MFHAS1: variants seen among roughly 807,000 people sequenced by gnomAD.
MFHAS1 encodes malignant fibrous histiocytoma-amplified sequence 1.
In MFHAS1, 50 loss-of-function variants were observed where a neutral mutation model predicts 70.4. The ratio of observed to expected loss-of-function variants is 0.71; its 90% CI spans 0.57 to 0.90. The LOEUF is 0.90. Ranked by LOEUF, MFHAS1 falls within the 40% of genes least tolerant of loss-of-function variation. The pLI is 0.00. For synonymous variants in MFHAS1, 952 were observed against 620.0 expected (o/e 1.54, Z -7.96); for missense variants, 1,795 against 1,347.6 (o/e 1.33, Z -5.20).
Position 8,806,631 on chromosome 8 carries a change from T to C in MFHAS1, c.2999-9140A>G, listed in dbSNP as rs111385853. ...ACACAAGAACAATAGATGCTTTCTCTAGATTTTGTATGAGATTTCTCTGGA... is the reference window on the plus strand; with the variant it reads ...ACACAAGAACAATAGATGCTTTCTCCAGATTTTGTATGAGATTTCTCTGGA... On this transcript the variant is annotated intron_variant, in intron 1 of 2. Transcript: ENST00000276282. 4.7e-3 allele frequency among the ~76,000 whole-genome samples: 709 copies of C among 152,334 alleles called. 4 individuals carry two copies. Among genetic ancestry groups the C allele is most frequent in the African/African-American group, 0.015 (643 of 41,582 alleles).
Position 8,890,737 on chromosome 8 carries a change from G to A in MFHAS1, c.2322C>T (p.Thr774=). Residue 774 remains threonine, a synonymous_variant, in exon 1 of 3, where the codon ACC becomes ACT. Coordinates refer to ENST00000276282, the MANE Select transcript of MFHAS1 (RefSeq NM_004225.3). ...GESSPPMARS[T]PSQELLRATQ... ...TGGCCCGGAGCAGTTCCTGGCTGGG[G>A]GTGGACCGCGCCATGGGCGGGGAGC... 6.2e-7 allele frequency: 1 copy of A among 1,613,724 alleles called. No individual in the cohort carries two copies. Among genetic ancestry groups the A allele is most frequent in the Non-Finnish European group, 8.5e-7 (1 of 1,179,812 alleles).
chr8:8,795,949 A>T (rs370434730), intron 2 of MFHAS1, among the ~76,000 whole-genome samples: 2 of 152,206 alleles, frequency 1.3e-5, no homozygotes, highest in Non-Finnish European at 2.9e-5. Flanking sequence ...TATGAATACT[A>T]TGCTGGAGAA....
intron 1 of MFHAS1, among the ~76,000 whole-genome samples, chr8:8,810,045 A>C (rs1806489301): frequency 6.6e-6 from 1 of 152,228 alleles, no homozygotes; most frequent in African/African-American, 2.4e-5. Context: ...TGAAGTACTA[A>C]GGGGAATCAT....
rs114809482 is a variant in MFHAS1 at position 8,874,143 on chromosome 8, G to A, written c.2998+15918C>T. Among the ~76,000 whole-genome samples the A allele has an allele frequency of 7.1e-3, 1,085 of 152,034 alleles. 18 individuals carry two copies. The highest frequency in any genetic ancestry group is 0.025 in the African/African-American group (1,033 of 41,458). On this transcript the variant is annotated intron_variant, in intron 1 of 2. Coordinates refer to ENST00000276282, the MANE Select transcript of MFHAS1 (RefSeq NM_004225.3). ...TCTAATTGCATCTCAAGAGTGTTCC[G>A]AGCACAGAGAGGGATTATTAACCCT...
At chr8:8,795,609 G>C (rs1003279430) in intron 2 of MFHAS1, among the ~76,000 whole-genome samples, 1 of 152,208 alleles carries the variant, frequency 6.6e-6, no homozygotes, top group Non-Finnish European at 1.5e-5. Flanking sequence ...TATGTAATGA[G>C]TTTCCCAGTT....
chr8:8,826,391 T>C (rs2117313940), intron 1 of MFHAS1, among the ~76,000 whole-genome samples: 1 of 152,142 alleles, frequency 6.6e-6, no homozygotes, highest in South Asian at 2.1e-4. Flanking sequence ...CTTGACAGAT[T>C]CCCTGAAGGT....
In MFHAS1 at chr8:8,880,743, G is replaced by T. The variant is rs574782047; in HGVS notation, c.2998+9318C>A. ...TTTGTCGCCCAGGTTGGAGTATAGCGGCGCAATCTCAGCTCACTGCAACCT... is the reference window on the plus strand; with the variant it reads ...TTTGTCGCCCAGGTTGGAGTATAGCTGCGCAATCTCAGCTCACTGCAACCT... On this transcript the variant is annotated intron_variant, in intron 1 of 2. Transcript: ENST00000276282. 8.6e-5 allele frequency among the ~76,000 whole-genome samples: 13 copies of T among 151,238 alleles called. No individual in the cohort carries two copies. The South Asian group carries it at 1.2e-3, about 15-fold the overall frequency.
In MFHAS1 at chr8:8,891,446, T is replaced by C. The variant is rs1259646041; in HGVS notation, c.1613A>G (p.His538Arg). ...PHAVVCIVGT[H>R]ADLCGERELE... Reference sequence around the variant, plus strand: ...CTCACGCTCTCCGCACAGGTCTGCGTGGGTGCCCACGATGCACACCACCGC... The same window carrying C: ...CTCACGCTCTCCGCACAGGTCTGCGCGGGTGCCCACGATGCACACCACCGC... The change falls in exon 1 of 3, where the codon CAC becomes CGC. Residue 538 changes from histidine (H) to arginine (R), a missense_variant. By Grantham distance (29) the His-to-Arg change is conservative. Transcript: ENST00000276282. This position sits in a 1 kb window ranked among gnomAD's most constrained non-coding sequence, Gnocchi z 5.4. 6.2e-7 allele frequency: 1 copy of C among 1,613,022 alleles called. No homozygotes were observed. The highest frequency in any genetic ancestry group is 8.5e-7 in the Non-Finnish European group (1 of 1,180,040).
At chr8:8,793,351 A>AT (rs993111858) in intron 2 of MFHAS1, among the ~76,000 whole-genome samples, 4 of 152,236 alleles carry the variant, frequency 2.6e-5, no homozygotes, top group African/African-American at 9.6e-5. Context: ...TTGCAGCACC[A>AT]TTAGTCAAAG....
intron 1 of MFHAS1, among the ~76,000 whole-genome samples, chr8:8,872,262 G>A (rs986030996): frequency 1.3e-5 from 2 of 152,144 alleles, no homozygotes; most frequent in Non-Finnish European, 2.9e-5. Context: ...AATGTACACC[G>A]TTCTAATTCC....
At chr8:8,837,234 C>G (rs1171516775) in intron 1 of MFHAS1, among the ~76,000 whole-genome samples, 5 of 152,042 alleles carry the variant, frequency 3.3e-5, no homozygotes, top group Non-Finnish European at 5.9e-5. Flanking sequence ...ATTCTTAGAG[C>G]AGAAGAACAA....
chr8:8,868,927 T>C (rs1808965785), intron 1 of MFHAS1, among the ~76,000 whole-genome samples: 1 of 152,214 alleles, frequency 6.6e-6, no homozygotes, highest in Non-Finnish European at 1.5e-5. Context: ...TTCTTAATCC[T>C]CTCTAGTTTC....
intron 1 of MFHAS1, among the ~76,000 whole-genome samples, chr8:8,808,807 C>T (rs1264478616): frequency 6.6e-6 from 1 of 152,150 alleles, no homozygotes. Flanking sequence ...TTTCAGGATC[C>T]AGTAGGGTAC....
intron 1 of MFHAS1, among the ~76,000 whole-genome samples, chr8:8,813,425 C>G (rs916845787): frequency 6.6e-6 from 1 of 152,194 alleles, no homozygotes; most frequent in African/African-American, 2.4e-5. Context: ...ATTTTTATTA[C>G]AGGGTATAAC....
chr8:8,857,403 C>T (rs1314458502), intron 1 of MFHAS1, among the ~76,000 whole-genome samples: 1 of 152,096 alleles, frequency 6.6e-6, no homozygotes, highest in Non-Finnish European at 1.5e-5. Flanking sequence ...TGTGAATTTT[C>T]TGGGCTTAGG....
chr8:8,824,950 C>T (rs1488621793), intron 1 of MFHAS1, among the ~76,000 whole-genome samples: 4 of 152,222 alleles, frequency 2.6e-5, no homozygotes, highest in Non-Finnish European at 5.9e-5. Flanking sequence ...CCCCAGGCCA[C>T]GTTTAGCATT....
intron 1 of MFHAS1, among the ~76,000 whole-genome samples, chr8:8,871,071 T>C (rs1809057888): frequency 1.3e-5 from 2 of 152,138 alleles, no homozygotes; most frequent in Admixed American, 1.3e-4. Flanking sequence ...GACAAGCTAT[T>C]GCCTTCCTGA....
intron 1 of MFHAS1, among the ~76,000 whole-genome samples, chr8:8,845,024 T>C (rs1471456804): frequency 1.3e-5 from 2 of 152,198 alleles, no homozygotes; most frequent in African/African-American, 2.4e-5. Context: ...AGAGGAAAAC[T>C]AAGAAGACCT....
intron 1 of MFHAS1, among the ~76,000 whole-genome samples, chr8:8,849,506 T>C (rs1477149948): frequency 6.6e-6 from 1 of 152,214 alleles, no homozygotes; most frequent in Non-Finnish European, 1.5e-5. Context: ...CGTGTGTGTA[T>C]TCTGTGTCAG....
Sources: allele counts gnomAD v4.1 joint callset (sites outside exome capture counted in the v4.1 genomes callset), GRCh38; gene constraint gnomAD v4.1.1; non-coding constraint Gnocchi (gnomAD v3.1); transcripts MANE v1.5; gene names NCBI Gene and HGNC (gene_info 2026-07-23, HGNC 2026-07-21).